LRRC36: variants seen among roughly 807,000 people sequenced by gnomAD.
The protein encoded by LRRC36 is leucine-rich repeat-containing protein 36.
Under a neutral mutation model 81.1 loss-of-function variants are expected in LRRC36, and 62 were observed. The observed-to-expected ratio is 0.76, with a 90% CI of 0.62 to 0.94. The LOEUF is 0.94. Among genes scored for constraint, LRRC36 ranks in the 40% least tolerant of loss-of-function variants. The probability of loss-of-function intolerance (pLI) is 0.00; values close to 1 mark genes in which losing one functional copy is unlikely to be tolerated. For missense variants in LRRC36, 761 were observed against 881.7 expected (o/e 0.86, Z 1.73); for synonymous variants, 334 against 348.6 (o/e 0.96, Z 0.47).
chr16:67,370,208 G>A (rs575000118), intron 8 of LRRC36, among the ~76,000 whole-genome samples: 1 of 152,296 alleles, frequency 6.6e-6, no homozygotes, highest in African/African-American at 2.4e-5. Context: ...TGATCATGTA[G>A]ATGTTTTCTT....
intron 4 of LRRC36, 122 bp downstream of exon 4, chr16:67,347,713 C>A: frequency 2.9e-6 from 2 of 689,810 alleles, no homozygotes; most frequent in Non-Finnish European, 4.9e-6. Context: ...ATCCTCAGAT[C>A]AGGAATAAAA....
intron 5 of LRRC36, among the ~76,000 whole-genome samples, chr16:67,351,104 G>A (rs761793273): frequency 2.6e-5 from 4 of 152,128 alleles, no homozygotes; most frequent in Non-Finnish European, 5.9e-5. Context: ...GTCACAGGCC[G>A]GGAGAAAGCT....
chr16:67,347,275 T>C lies in LRRC36; in HGVS notation c.392-220T>C, dbSNP rs529026106. On this transcript the variant is annotated intron_variant, in intron 3 of 13. Coordinates refer to ENST00000329956, the MANE Select transcript of LRRC36 (RefSeq NM_018296.6). ...CAAGCTCTGCTTTCCTGAAGGGTAG[T>C]TACAACTGTGAGGCAGTGGTCGCTA... 21 of 664,270 alleles carry C rather than the reference T, an allele frequency of 3.2e-5. No individual in the cohort carries two copies. In the African/African-American group the frequency reaches 3.3e-4, roughly 11 times the overall value. The allele number at this position is 664,270 out of a possible 1,614,324, so 41.1% of individuals were successfully genotyped here.
At chr16:67,359,768 T>TGG (rs1202384573) in intron 5 of LRRC36, among the ~76,000 whole-genome samples, 1 of 152,162 alleles carries the variant, frequency 6.6e-6, no homozygotes, top group Non-Finnish European at 1.5e-5. Context: ...ATAACAAGAT[T>TGG]GGGGGAGGCA....
intron 10 of LRRC36, among the ~76,000 whole-genome samples, chr16:67,376,194 G>A (rs368861523): frequency 1.3e-5 from 2 of 152,244 alleles, no homozygotes; most frequent in South Asian, 2.1e-4. Flanking sequence ...TGTAATCCCA[G>A]CTACTGGGGA....
Position 67,367,337 on chromosome 16 carries a change from G to C in LRRC36, c.1075G>C (p.Glu359Gln), listed in dbSNP as rs1032161494. The C allele has an allele frequency of 6.2e-7, 1 of 1,614,136 alleles. No homozygotes were observed. Reference protein sequence around the residue: ...KRPQRSKNYQEYSIKPSNDIK... With the variant: ...KRPQRSKNYQQYSIKPSNDIK... ...GCCTCAGAGAAGCAAGAACTATCAA[G>C]AGTATAGCATAAAGCCTTCAAATGA... The change falls in exon 8 of 14, where the codon GAG becomes CAG. Residue 359 changes from glutamate (E) to glutamine (Q), a missense_variant. By Grantham distance (29) the Glu-to-Gln change is conservative (BLOSUM62 2). Transcript: ENST00000329956.
At chr16:67,377,324 CTCTTTTCTTT>C (rs576640108) in intron 11 of LRRC36, among the ~76,000 whole-genome samples, 1 of 151,972 alleles carries the variant, frequency 6.6e-6, no homozygotes, top group Non-Finnish European at 1.5e-5. Flanking sequence ...GTTCCCTTTT[CTCTTTTCTTT>C]TCTTTTCTTT....
At position 67,385,086 on chromosome 16, in the gene LRRC36, A is replaced by G; in HGVS notation, c.2262A>G (p.Leu754=). The G allele has an allele frequency of 1.9e-6, 3 of 1,613,022 alleles. No individual in the cohort carries two copies. The highest frequency in any genetic ancestry group is 2.5e-6 in the Non-Finnish European group (3 of 1,179,410). ...SVLDAAPEPG[L] ...TGGATGCTGCCCCAGAGCCTGGCTT[A>G]TAGAGCTAGCATGGAACTCACACCA... The change falls in exon 14 of 14, where the codon TTA becomes TTG. Residue 754 remains leucine, a synonymous_variant. Coordinates refer to ENST00000329956, the MANE Select transcript of LRRC36 (RefSeq NM_018296.6).
At chr16:67,341,866 G>T in intron 1 of LRRC36, 91 bp from the exon 2 acceptor site, 1 of 1,011,588 alleles carries the variant, frequency 9.9e-7, no homozygotes, top group South Asian at 1.8e-5. Flanking sequence ...TTGCACAGTT[G>T]AGATATGGGA....
chr16:67,366,546 T>G (rs1299980667), intron 7 of LRRC36, among the ~76,000 whole-genome samples: 4 of 152,064 alleles, frequency 2.6e-5, no homozygotes, highest in Non-Finnish European at 4.4e-5. Context: ...GGTCAGGAGT[T>G]GGAGACCAGC....
chr16:67,343,568 G>T (rs892212283), intron 2 of LRRC36, among the ~76,000 whole-genome samples: 1 of 151,620 alleles, frequency 6.6e-6, no homozygotes, highest in Non-Finnish European at 1.5e-5. Flanking sequence ...GGTGGCAGGC[G>T]CCTGTAGTCC....
chr16:67,381,230 GA>G (rs1179228134), intron 12 of LRRC36, among the ~76,000 whole-genome samples: 5,176 of 41,054 alleles, frequency 0.13, 262 homozygotes, highest in African/African-American at 0.26. Context: ...CTCTGCCTCA[GA>G]AAAAAAAAAA....
Position 67,346,318 on chromosome 16 carries a change from A to G in LRRC36, c.261A>G (p.Leu87=). ...LNLYYNNIPS[L]VEVSRLQPLP... is the part of the protein sequence containing the mutation. ...TATATTATAACAACATTCCTTCATT[A>G]GTGGAAGTGTCCCGTCTACAACCGT... The change falls in exon 3 of 14, where the codon TTA becomes TTG. Residue 87 remains leucine, a synonymous_variant. Transcript: ENST00000329956. 6.2e-7 allele frequency: 1 copy of G among 1,612,100 alleles called. No homozygotes were observed. The highest frequency in any genetic ancestry group is 8.5e-7 in the Non-Finnish European group (1 of 1,178,476).
intron 13 of LRRC36, among the ~76,000 whole-genome samples, chr16:67,383,768 T>A (rs1382712531): frequency 1.3e-5 from 2 of 152,254 alleles, no homozygotes; most frequent in Admixed American, 1.3e-4. Context: ...CAATGTCAAC[T>A]CTATGAAATA....
chr16:67,376,648 G>A, intron 10 of LRRC36, 79 bp from the exon 11 acceptor site: 7 of 1,423,768 alleles, frequency 4.9e-6, no homozygotes, highest in Non-Finnish European at 6.8e-6. Flanking sequence ...TTGATCCAGA[G>A]AGCTGGTAGT....
At chr16:67,373,773 G>A (rs902353394) in intron 9 of LRRC36, among the ~76,000 whole-genome samples, 20 of 148,746 alleles carry the variant, frequency 1.3e-4, no homozygotes, top group African/African-American at 4.5e-4. Flanking sequence ...AGCACTTTGC[G>A]AGGCCAAGGC....
chr16:67,341,085 T>TTA lies in LRRC36; in HGVS notation c.71-871_71-870insAT, dbSNP rs1567470467. 5.9e-3 allele frequency among the ~76,000 whole-genome samples: 648 copies of TTA among 110,426 alleles called. 113 individuals are homozygous for TTA. Among genetic ancestry groups the TTA allele is most frequent in the African/African-American group, 0.025 (616 of 24,872 alleles). 72.4% of individuals were successfully genotyped at this position (110,426 alleles called of 152,430 possible). ...TTCTATAGAATATGTACTCTACATA[T>TTA]TCTATAGAATATGTACTCTACATAT... On this transcript the variant is annotated intron_variant, in intron 1 of 13. Coordinates refer to ENST00000329956, the MANE Select transcript of LRRC36 (RefSeq NM_018296.6).
chr16:67,328,115 C>T (rs1021796509), intron 1 of LRRC36, among the ~76,000 whole-genome samples: 2 of 151,870 alleles, frequency 1.3e-5, no homozygotes, highest in African/African-American at 4.8e-5. Flanking sequence ...TAGAGCATGT[C>T]GGTAGTCTAA....
intron 1 of LRRC36, chr16:67,336,779 T>G (rs954101296): frequency 6.8e-6 from 1 of 148,062 alleles, no homozygotes; most frequent in Non-Finnish European, 1.5e-5. Flanking sequence ...TTTTTTTTTT[T>G]ATGGAAATAG....
Sources: allele counts gnomAD v4.1 joint callset (sites outside exome capture counted in the v4.1 genomes callset), GRCh38; gene constraint gnomAD v4.1.1; transcripts MANE v1.5; gene names NCBI Gene and HGNC (gene_info 2026-07-23, HGNC 2026-07-21).